NTN1: variants seen among roughly 807,000 people sequenced by gnomAD.
NTN1 encodes the protein netrin-1.
In NTN1, 11 loss-of-function variants were observed where a neutral mutation model predicts 54.2. The observed-to-expected ratio is 0.20, with a 90% confidence interval of 0.13 to 0.34. The LOEUF is 0.34. Among genes scored for constraint, NTN1 ranks in the 10% least tolerant of loss-of-function variants. The pLI, the probability that NTN1 is intolerant of heterozygous loss-of-function variation, is 1.00. For synonymous variants in NTN1, 371 were observed against 382.0 expected, an observed-to-expected ratio of 0.97 and a Z score of 0.33; for missense variants, 740 against 893.1, an observed-to-expected ratio of 0.83 and a Z score of 2.18.
chr17:9,226,435 GGCGGTCTCGTGGGGA>G (rs1905555754), intron 6 of NTN1, among the ~76,000 whole-genome samples: 1 of 96,886 alleles, frequency 1.0e-5, no homozygotes, highest in African/African-American at 5.8e-5. Context: ...CTCGTGGGGA[GGCGGTCTCGTGGGGA>G]GGCTGTCTCG....
intron 2 of NTN1, among the ~76,000 whole-genome samples, chr17:9,150,228 G>A (rs2092323437): frequency 6.6e-6 from 1 of 152,092 alleles, no homozygotes; most frequent in African/African-American, 2.4e-5. Flanking sequence ...AAATAAATAA[G>A]GAAGGAAGGA....
intron 2 of NTN1, among the ~76,000 whole-genome samples, chr17:9,155,437 G>A (rs2092338859): frequency 6.6e-6 from 1 of 151,904 alleles, no homozygotes; most frequent in South Asian, 2.1e-4. Context: ...TGCCTCCCGG[G>A]TTCAAGCGAT....
At chr17:9,092,958 CTG>C (rs2092117534) in intron 2 of NTN1, among the ~76,000 whole-genome samples, 3 of 152,204 alleles carry the variant, frequency 2.0e-5, no homozygotes, top group Admixed American at 1.3e-4. Flanking sequence ...CGGGGTTTCA[CTG>C]CGTTAGCCAG....
Position 9,022,479 on chromosome 17 carries a change from G to T in NTN1, c.106G>T (p.Ala36Ser), listed in dbSNP as rs866763538. The T allele has an allele frequency of 2.0e-6, 3 of 1,532,920 alleles. No homozygotes were observed. The African/African-American group carries it at 4.1e-5, about 21-fold the overall frequency. The allele number at this position is 1,532,920 out of a possible 1,614,324, so 95.0% of individuals were successfully genotyped here. A position where few individuals can be genotyped will look rare whatever the true frequency, so the allele number is the denominator to read the frequency against. Residue 36 changes from alanine (A) to serine (S), a missense_variant, in exon 2 of 7, where the codon GCG (alanine) becomes TCG (serine). By Grantham distance (99) the Ala-to-Ser change is moderately conservative (BLOSUM62 1). Transcript: ENST00000173229. ...GCTCAGCATGTTCGCGGGCCAGGCG[G>T]CGCAGCCCGATCCCTGCTCGGACGA... ...PGLSMFAGQA[A>S]QPDPCSDENG... is the part of the protein sequence containing the mutation.
upstream of NTN1, among the ~76,000 whole-genome samples, chr17:9,021,145 T>G (rs2091845133): frequency 6.6e-6 from 1 of 151,664 alleles, no homozygotes; most frequent in South Asian, 2.1e-4. Flanking sequence ...AGTGGCCCCC[T>G]TCCCCCGCCC....
At chr17:9,159,360 A>G (rs2092351391) in intron 2 of NTN1, among the ~76,000 whole-genome samples, 2 of 152,210 alleles carry the variant, frequency 1.3e-5, no homozygotes, top group African/African-American at 4.8e-5. Flanking sequence ...AGAGTGGCCA[A>G]TATTTTTTAA....
In NTN1 at chr17:9,235,866, C is replaced by T. The variant is rs374367429; in HGVS notation, c.1487-3774C>T. Among the ~76,000 whole-genome samples the T allele has an allele frequency of 1.8e-4, 27 of 151,946 alleles. No individual in the cohort carries two copies. The East Asian group carries it at 2.7e-3, about 15-fold the overall frequency. On this transcript the variant is annotated intron_variant, in intron 6 of 6. Transcript: ENST00000173229. ...GCCTCTTGGGCTCAAGCAATTCTGCCTCAGCCTCCCGAGTAGCTGGGACTA... is the reference window on the plus strand; with the variant it reads ...GCCTCTTGGGCTCAAGCAATTCTGCTTCAGCCTCCCGAGTAGCTGGGACTA...
At chr17:9,198,888 A>C (rs1351195997) in intron 5 of NTN1, among the ~76,000 whole-genome samples, 1 of 152,158 alleles carries the variant, frequency 6.6e-6, no homozygotes, top group Non-Finnish European at 1.5e-5. Flanking sequence ...TTCACCTACG[A>C]GGGAGGCCAT....
intron 6 of NTN1, among the ~76,000 whole-genome samples, chr17:9,224,502 C>T (rs958521598): frequency 2.6e-5 from 4 of 152,214 alleles, no homozygotes; most frequent in African/African-American, 4.8e-5. Context: ...GCAGGGACAG[C>T]GGGCTTCAGG....
intron 2 of NTN1, among the ~76,000 whole-genome samples, chr17:9,068,136 A>G (rs1204832826): frequency 6.6e-6 from 1 of 152,108 alleles, no homozygotes; most frequent in African/African-American, 2.4e-5. Flanking sequence ...GCTAGAAGGG[A>G]TTGATGAGTT....
intron 2 of NTN1, among the ~76,000 whole-genome samples, chr17:9,127,106 C>A: frequency 6.7e-6 from 1 of 149,594 alleles, no homozygotes; most frequent in Non-Finnish European, 1.5e-5. Context: ...GGATTTTATT[C>A]CAGGTGTAAA....
At chr17:9,092,357 C>T (rs1339325661) in intron 2 of NTN1, among the ~76,000 whole-genome samples, 1 of 127,990 alleles carries the variant, frequency 7.8e-6, no homozygotes, top group Non-Finnish European at 1.6e-5. Context: ...CGGGGTCTCA[C>T]TCCATCTGCA....
chr17:9,082,986 C>G (rs575196982), intron 2 of NTN1, among the ~76,000 whole-genome samples: 3 of 152,100 alleles, frequency 2.0e-5, no homozygotes, highest in African/African-American at 7.2e-5. Flanking sequence ...TCATAGCTCT[C>G]TAGTGTCTAG....
Position 9,022,289 on chromosome 17 carries a change from C to A in NTN1, c.-63-22C>A, listed in dbSNP as rs964777290. ...GAGGGCGCGGGGCGGGCTGGCTGAG[C>A]GCAGCTCCCTTCTCTCCGCAGGCGC... On this transcript the variant is annotated intron_variant, in intron 1 of 6. Coordinates refer to ENST00000173229, the MANE Select transcript of NTN1 (RefSeq NM_004822.3). 7.3e-6 allele frequency: 9 copies of A among 1,234,034 alleles called. No homozygotes were observed. In the African/African-American group the frequency reaches 1.1e-4, roughly 15 times the overall value. The allele number at this position is 1,234,034 out of a possible 1,614,324, so 76.4% of individuals were successfully genotyped here.
chr17:9,165,811 G>C lies in NTN1; in HGVS notation c.1207+2810G>C, dbSNP rs1286625107. Among the ~76,000 whole-genome samples the C allele has an allele frequency of 6.6e-6, 1 of 152,144 alleles. No homozygotes were observed. The highest frequency in any genetic ancestry group is 1.5e-5 in the Non-Finnish European group (1 of 68,020). ...CACCTGATTGGTGAGGAAAGACAGG[G>C]CTTTGAGGTTTCTGCTTTCTGATTG... On this transcript the variant is annotated intron_variant, in intron 3 of 6. Coordinates refer to ENST00000173229, the MANE Select transcript of NTN1 (RefSeq NM_004822.3). The surrounding 1 kb of genome is among the most constrained non-coding windows in gnomAD (Gnocchi z 4.5).
At chr17:9,066,681 A>T (rs1156582897) in intron 2 of NTN1, among the ~76,000 whole-genome samples, 1 of 151,714 alleles carries the variant, frequency 6.6e-6, no homozygotes, top group Non-Finnish European at 1.5e-5. Context: ...TTAACCATGG[A>T]TCATGTTAGT....
intron 2 of NTN1, among the ~76,000 whole-genome samples, chr17:9,119,250 C>T (rs541969442): frequency 2.6e-5 from 4 of 152,220 alleles, no homozygotes; most frequent in South Asian, 2.1e-4. Context: ...TGCAATGGTG[C>T]GATCTCGGCT....
intron 2 of NTN1, among the ~76,000 whole-genome samples, chr17:9,159,170 G>A (rs16942842): frequency 0.23 from 35,584 of 152,138 alleles, 4,327 homozygotes; most frequent in South Asian, 0.42. Context: ...TAATCCTCCT[G>A]ATCACTAGAC....
chr17:9,084,437 C>T (rs919794897), intron 2 of NTN1, among the ~76,000 whole-genome samples: 2 of 152,122 alleles, frequency 1.3e-5, no homozygotes, highest in African/African-American at 4.8e-5. Context: ...TAGAAACAGC[C>T]ACTAGAGTGT....
Sources: allele counts gnomAD v4.1 joint callset (sites outside exome capture counted in the v4.1 genomes callset), GRCh38; gene constraint gnomAD v4.1.1; non-coding constraint Gnocchi (gnomAD v3.1); transcripts MANE v1.5; gene names NCBI Gene and HGNC (gene_info 2026-07-23, HGNC 2026-07-21).